Variants in GTF3C4 observed in about 807,000 individuals in gnomAD.
The protein encoded by GTF3C4 is general transcription factor IIIC subunit 4.
GTF3C4 carries 28 observed loss-of-function variants against 67.5 expected under a neutral mutation model. That is an observed-to-expected ratio of 0.41 (90% CI 0.31 to 0.57). The LOEUF (loss-of-function observed/expected upper bound fraction) is 0.57. GTF3C4 is among the 20% of genes least tolerant of loss of function. GTF3C4 has a pLI of 0.21. For synonymous variants in GTF3C4, 409 were observed against 393.0 expected, an observed-to-expected ratio of 1.04 and a Z score of -0.48; for missense variants, 831 against 1,033.2, an observed-to-expected ratio of 0.80 and a Z score of 2.68.
At chr9:132,685,379 A>C (rs113360011) in intron 3 of GTF3C4, among the ~76,000 whole-genome samples, 2 of 152,164 alleles carry the variant, frequency 1.3e-5, no homozygotes, top group African/African-American at 4.8e-5. Flanking sequence ...CTGTTATCAA[A>C]ATGTATGTAC....
Position 132,679,478 on chromosome 9 carries a change from A to C in GTF3C4, c.1859A>C (p.Glu620Ala). ...CCTGGGATGGGCAATGCTGACGATG[A>C]ACAGCAGGAAGAAGGCACTTCTTCC... ...DSPGMGNADDEQQEEGTSSKQ... is the reference protein window; with the variant it reads ...DSPGMGNADDAQQEEGTSSKQ... The change falls in exon 2 of 5, where the codon GAA becomes GCA. Residue 620 changes from glutamate (E) to alanine (A), a missense_variant. Transcript: ENST00000372146. This position sits in a 1 kb window ranked among gnomAD's most constrained non-coding sequence, Gnocchi z 5.9. The C allele has an allele frequency of 6.2e-7, 1 of 1,614,156 alleles. No individual in the cohort carries two copies. Among genetic ancestry groups the C allele is most frequent in the South Asian group, 1.1e-5 (1 of 91,082 alleles).
At chr9:132,675,677 G>A (rs1372023715) in intron 1 of GTF3C4, among the ~76,000 whole-genome samples, 3 of 152,060 alleles carry the variant, frequency 2.0e-5, no homozygotes, top group Non-Finnish European at 4.4e-5. Context: ...AAGGGAGAAC[G>A]ACATATAAAT....
In GTF3C4 at chr9:132,694,403, A is replaced by G. The variant is rs1252641955; in HGVS notation, c.*5458A>G. 5.9e-5 allele frequency: 9 copies of G among 152,244 alleles called. No homozygotes were observed. The highest frequency in any genetic ancestry group is 1.0e-4 in the Non-Finnish European group (7 of 68,050). The allele number at this position is 152,244 out of a possible 1,614,324, so 9.4% of individuals were successfully genotyped here. On this transcript the variant is annotated 3_prime_UTR_variant, in exon 5 of 5. Transcript: ENST00000372146. ...TCAACACTACAAAGCTACTCCTGCCAGAAGAGGGCAGAGTTCTTTCTTGGG... is the reference window on the plus strand; with the variant it reads ...TCAACACTACAAAGCTACTCCTGCCGGAAGAGGGCAGAGTTCTTTCTTGGG...
rs1214740450 is a variant in GTF3C4, at chr9:132,694,205, A to G, written c.*5260A>G. On this transcript the variant is annotated 3_prime_UTR_variant, in exon 5 of 5. Transcript: ENST00000372146. ...ACTTCTCTCCATTGTATATATGTAC[A>G]TAGTTTTCATTACTAGATTGTAAGC... is the stretch of plus-strand genomic sequence containing the variant. 1 of 152,222 alleles carries G rather than the reference A, an allele frequency of 6.6e-6. No individual in the cohort carries two copies. Among genetic ancestry groups the G allele is most frequent in the African/African-American group, 2.4e-5 (1 of 41,454 alleles). 9.4% of individuals were successfully genotyped at this position (152,222 alleles called of 1,614,324 possible). A position where few individuals can be genotyped will look rare whatever the true frequency, so the allele number is the denominator to read the frequency against.
chr9:132,670,253 A>G (rs1309434685), upstream of GTF3C4: 1 of 1,522,758 alleles, frequency 6.6e-7, no homozygotes, highest in Non-Finnish European at 8.8e-7. Flanking sequence ...GCGCCATCTC[A>G]CCGACGAGCC....
chr9:132,670,991 T>A (rs1275537690), intron 1 of GTF3C4, 36 bp downstream of exon 1: 8 of 1,407,678 alleles, frequency 5.7e-6, no homozygotes, highest in African/African-American at 1.4e-5. Flanking sequence ...GGTCTTCCCC[T>A]GTCCCCCTCT....
chr9:132,677,149 C>T (rs992458678), intron 1 of GTF3C4, among the ~76,000 whole-genome samples: 3 of 152,140 alleles, frequency 2.0e-5, no homozygotes, highest in South Asian at 2.1e-4. Context: ...CACCTGTAAT[C>T]CCAGCACTTT....
In GTF3C4 at chr9:132,682,595, C is replaced by CTTTT. The variant is rs34962674; in HGVS notation, c.2185-948_2185-945dup. Reference sequence around the variant, plus strand: ...GACTTTTATTTTTAAACAGTATAATCTTTTTTTTTTTTTTTTTTTTTTTAC... The same window carrying CTTTT: ...GACTTTTATTTTTAAACAGTATAATCTTTTTTTTTTTTTTTTTTTTTTTTTTTAC... On this transcript the variant is annotated intron_variant, in intron 2 of 4. Transcript: ENST00000372146. Among the ~76,000 whole-genome samples, 264 of 92,520 alleles carry CTTTT rather than the reference C, an allele frequency of 2.9e-3. 14 individuals are homozygous for CTTTT. The highest frequency in any genetic ancestry group is 9.0e-3 in the African/African-American group (204 of 22,674). The allele number at this position is 92,520 out of a possible 152,430, so 60.7% of individuals were successfully genotyped here. A position where few individuals can be genotyped will look rare whatever the true frequency, so the allele number is the denominator to read the frequency against.
At chr9:132,681,448 CT>C (rs1256310136) in intron 2 of GTF3C4, among the ~76,000 whole-genome samples, 2 of 152,094 alleles carry the variant, frequency 1.3e-5, no homozygotes, top group Non-Finnish European at 2.9e-5. Flanking sequence ...AAAATGAAGA[CT>C]TTTTAAACCT....
chr9:132,670,605 A>G lies in GTF3C4; in HGVS notation c.7A>G (p.Thr3Ala), dbSNP rs774493926. The change falls in exon 1 of 5, where the codon ACG (threonine) becomes GCG (alanine). Residue 3 changes from threonine (T) to alanine (A), a missense_variant. Physicochemically the swap from Thr to Ala is moderately conservative, Grantham distance 58. This residue lies in a region of GTF3C4 where 237 missense variants were observed against 212.7 expected (regional missense o/e 1.11). Transcript: ENST00000372146. The stretch of plus-strand genomic sequence containing the variant: ...CCTCTGCACCTGAGAGAAGATGAAC[A>G]CGGCCGACCAGGCCCGGGTGGGGCC... MN[T>A]ADQARVGPAD... 5.3e-5 allele frequency: 77 copies of G among 1,440,294 alleles called. No homozygotes were observed. Among genetic ancestry groups the G allele is most frequent in the Non-Finnish European group, 7.0e-5 (77 of 1,107,884 alleles). 89.2% of individuals were successfully genotyped at this position (1,440,294 alleles called of 1,614,324 possible).
intron 3 of GTF3C4, among the ~76,000 whole-genome samples, chr9:132,684,678 C>T (rs907785256): frequency 6.6e-6 from 1 of 152,190 alleles, no homozygotes; most frequent in African/African-American, 2.4e-5. Context: ...GAGGCGCCCT[C>T]CACCTCAGGA....
chr9:132,683,188 T>C (rs1204705749), intron 2 of GTF3C4, among the ~76,000 whole-genome samples: 2 of 152,242 alleles, frequency 1.3e-5, no homozygotes, highest in Non-Finnish European at 2.9e-5. Context: ...CAAAACATTA[T>C]AAATAATAGC....
rs778778757 is a variant in GTF3C4, at chr9:132,678,478, G to A, written c.859G>A (p.Val287Met). ...CCTCTTTGAAAACGGTAATATCGCC[G>A]TGTGGCAGTTTCAGCTGCCGTTTGT... ...AVLFENGNIA[V>M]WQFQLPFVGK... is the part of the protein sequence containing the mutation. The change falls in exon 2 of 5, where the codon GTG (valine) becomes ATG (methionine). Residue 287 changes from valine to methionine, a missense_variant. Around this residue, in one of 4 missense-constraint regions of GTF3C4, gnomAD observed 390 missense variants for 540.3 expected, o/e 0.72. Coordinates refer to ENST00000372146, the MANE Select transcript of GTF3C4 (RefSeq NM_012204.4). This position sits in a 1 kb window ranked among gnomAD's most constrained non-coding sequence, Gnocchi z 6.5. The A allele has an allele frequency of 1.1e-5, 17 of 1,614,186 alleles. No homozygotes were observed. The highest frequency in any genetic ancestry group is 1.6e-4 in the Middle Eastern group (1 of 6,062).
chr9:132,673,859 A>G (rs909401043), intron 1 of GTF3C4, among the ~76,000 whole-genome samples: 3 of 152,272 alleles, frequency 2.0e-5, no homozygotes, highest in Non-Finnish European at 4.4e-5. Context: ...TGGACAGTAT[A>G]AATCTGAAAA....
intron 3 of GTF3C4, among the ~76,000 whole-genome samples, chr9:132,685,266 C>G (rs1361081633): frequency 6.6e-6 from 1 of 152,004 alleles, no homozygotes; most frequent in Non-Finnish European, 1.5e-5. Context: ...AGTGATCCAC[C>G]CACCTTGGCC....
upstream of GTF3C4, chr9:132,670,393 G>C: frequency 8.6e-7 from 1 of 1,160,868 alleles, no homozygotes. Context: ...CCCGCTCGCT[G>C]TCCTTTTTCT....
chr9:132,670,963 AT>A lies in GTF3C4; in HGVS notation c.357+9del, dbSNP rs1835726707. On this transcript the variant is annotated intron_variant, in intron 1 of 4. Transcript: ENST00000372146. ...AACAGCTGTCTCCTCAAAGTAAGTC[AT>A]CCCCCGCCATCCCTGGGGTCTTCCC... The A allele has an allele frequency of 6.4e-7, 1 of 1,569,656 alleles. No homozygotes were observed. Among genetic ancestry groups the A allele is most frequent in the Non-Finnish European group, 8.8e-7 (1 of 1,141,790 alleles).
chr9:132,679,155 T>G lies in GTF3C4; in HGVS notation c.1536T>G (p.Phe512Leu), dbSNP rs1451556358. 2 of 1,614,190 alleles carry G rather than the reference T, an allele frequency of 1.2e-6. No homozygotes were observed. The change falls in exon 2 of 5, where the codon TTT becomes TTG. Residue 512 changes from phenylalanine (F) to leucine (L), a missense_variant. By Grantham distance (22) the Phe-to-Leu change is conservative. Transcript: ENST00000372146. This position sits in a 1 kb window ranked among gnomAD's most constrained non-coding sequence, Gnocchi z 5.9. ...HPVNKNYQVQ[F>L]VTLKTFEEAA... ...TTAACAAAAACTACCAGGTCCAATT[T>G]GTTACTCTCAAAACCTTTGAAGAGG...
rs1836160069 is a variant in GTF3C4, at chr9:132,694,097, T to A, written c.*5152T>A. 6.6e-6 allele frequency: 1 copy of A among 152,198 alleles called. No homozygotes were observed. Among genetic ancestry groups the A allele is most frequent in the South Asian group, 2.1e-4 (1 of 4,830 alleles). The allele number at this position is 152,198 out of a possible 1,614,324, so 9.4% of individuals were successfully genotyped here. ...TTACCATCTGATTAGGTGGAATGTT[T>A]TATAGACTTTTGGTGTTGAAAAAAA... On this transcript the variant is annotated 3_prime_UTR_variant, in exon 5 of 5. Transcript: ENST00000372146.
Sources: allele counts gnomAD v4.1 joint callset (sites outside exome capture counted in the v4.1 genomes callset), GRCh38; gene constraint gnomAD v4.1.1; regional missense constraint gnomAD v4.1.1; non-coding constraint Gnocchi (gnomAD v3.1); transcripts MANE v1.5; gene names NCBI Gene and HGNC (gene_info 2026-07-23, HGNC 2026-07-21).